Variants in ZZEF1 observed in about 807,000 individuals in gnomAD.
ZZEF1 encodes the protein zinc finger ZZ-type and EF-hand domain-containing protein 1.
ZZEF1 carries 157 observed loss-of-function variants against 342.8 expected under a neutral mutation model. That is an observed-to-expected ratio of 0.46 (90% CI 0.40 to 0.52). The LOEUF is 0.52. Among genes scored for constraint, ZZEF1 ranks in the 20% least tolerant of loss-of-function variants. The pLI, the probability that ZZEF1 is intolerant of heterozygous loss-of-function variation, is 0.00. For synonymous variants in ZZEF1, 1,505 were observed against 1,429.1 expected, an observed-to-expected ratio of 1.05 and a Z score of -1.20; for missense variants, 3,480 against 3,725.6, an observed-to-expected ratio of 0.93 and a Z score of 1.72.
intron 42 of ZZEF1, among the ~76,000 whole-genome samples, chr17:4,030,374 G>C (rs1320969416): frequency 2.6e-5 from 4 of 152,202 alleles, no homozygotes; most frequent in Non-Finnish European, 5.9e-5. Context: ...CAATATAGAA[G>C]TCCCTGACTT....
At chr17:4,110,004 T>C (rs143691015) in intron 5 of ZZEF1, 141 bp from the exon 6 acceptor site, 13 of 699,546 alleles carry the variant, frequency 1.9e-5, no homozygotes, top group Admixed American at 5.6e-5. Flanking sequence ...ATAAATAGCA[T>C]GTGCAATGGA....
chr17:4,132,201 CTT>C (rs34252779), intron 1 of ZZEF1, among the ~76,000 whole-genome samples: 394 of 134,962 alleles, frequency 2.9e-3, no homozygotes, highest in Middle Eastern at 3.9e-3. Context: ...TAAATTTTCT[CTT>C]TTTTTTTTTT....
In ZZEF1 at chr17:4,006,746, G is replaced by A. The variant is rs962481119; in HGVS notation, c.*144C>T. The A allele has an allele frequency of 7.3e-6, 6 of 823,248 alleles. No individual in the cohort carries two copies. Among genetic ancestry groups the A allele is most frequent in the African/African-American group, 1.7e-5 (1 of 59,182 alleles). The allele number at this position is 823,248 out of a possible 1,614,324, so 51.0% of individuals were successfully genotyped here. ...CCTACGCACGGGAGCTCTTGGAGACGTGGCTGCTTGGCATCCTAACTGGAG... is the reference window on the plus strand; with the variant it reads ...CCTACGCACGGGAGCTCTTGGAGACATGGCTGCTTGGCATCCTAACTGGAG... On this transcript the variant is annotated 3_prime_UTR_variant, in exon 55 of 55. Coordinates refer to ENST00000381638, the MANE Select transcript of ZZEF1 (RefSeq NM_015113.4).
chr17:4,019,611 C>T, intron 46 of ZZEF1, 58 bp downstream of exon 46: 1 of 1,500,994 alleles, frequency 6.7e-7, no homozygotes, highest in Non-Finnish European at 9.2e-7. Context: ...CGCACACCCT[C>T]CCGCCCTCAC....
chr17:4,069,327 A>T (rs900107200), intron 26 of ZZEF1, among the ~76,000 whole-genome samples: 3 of 152,128 alleles, frequency 2.0e-5, no homozygotes, highest in Non-Finnish European at 4.4e-5. Context: ...CACCCCCTCG[A>T]TTCCTCAGCA....
At chr17:4,051,901 AAG>A (rs1165176377) in intron 35 of ZZEF1, 68 bp downstream of exon 35, 2 of 1,506,850 alleles carry the variant, frequency 1.3e-6, no homozygotes, top group African/African-American at 1.4e-5. Context: ...TAAAAAAAGA[AAG>A]AAGTCCCTTT....
In ZZEF1 at chr17:4,104,758, C is replaced by T. The variant is rs1398556254; in HGVS notation, c.1448G>A (p.Arg483Lys). Reference protein sequence around the residue: ...ELTLLAFALARGSVAKVMSSL... With the variant: ...ELTLLAFALAKGSVAKVMSSL... ...GCTCATGACTTTGGCAACACTTCCTCTTGCGAGAGCAAAAGCCAGAAGAGT... is the reference window on the plus strand; with the variant it reads ...GCTCATGACTTTGGCAACACTTCCTTTTGCGAGAGCAAAAGCCAGAAGAGT... The change falls in exon 8 of 55, where the codon AGA (arginine) becomes AAA (lysine). Residue 483 changes from arginine (R) to lysine (K), a missense_variant. Coordinates refer to ENST00000381638, the MANE Select transcript of ZZEF1 (RefSeq NM_015113.4). The T allele has an allele frequency of 6.2e-7, 1 of 1,614,172 alleles. No individual in the cohort carries two copies. The highest frequency in any genetic ancestry group is 1.1e-5 in the South Asian group (1 of 91,078).
chr17:4,123,487 G>T (rs558878886), intron 2 of ZZEF1, among the ~76,000 whole-genome samples: 4 of 151,958 alleles, frequency 2.6e-5, no homozygotes, highest in South Asian at 2.1e-4. Flanking sequence ...GGACAGAGCA[G>T]AAATAAGACA....
At chr17:4,082,544 T>A (rs1228350858) in intron 16 of ZZEF1, 40 bp from the exon 17 acceptor site, 1 of 1,586,340 alleles carries the variant, frequency 6.3e-7, no homozygotes, top group Admixed American at 1.7e-5. Context: ...GAAAATCTAG[T>A]CCATGACATT....
At position 4,013,488 on chromosome 17, in the gene ZZEF1, A is replaced by G. The variant is rs2144937964; in HGVS notation, c.8540T>C (p.Ile2847Thr). The G allele has an allele frequency of 1.2e-6, 2 of 1,613,418 alleles. No homozygotes were observed. Among genetic ancestry groups the G allele is most frequent in the East Asian group, 4.5e-5 (2 of 44,848 alleles). The part of the protein sequence containing the change: ...RQTGHQRLKA[I>T]HLLLRIVRCC... ...TCGCACAATCCTCAGAAGTAAGTGG[A>G]TGGCTTTTAATCGTTGATGGCCAGT... is the stretch of plus-strand genomic sequence containing the variant. The change falls in exon 52 of 55, where the codon ATC becomes ACC. Residue 2847 changes from isoleucine to threonine, a missense_variant. Ile to Thr is a moderately conservative substitution (Grantham distance 89). Around this residue, in one of 5 missense-constraint regions of ZZEF1, gnomAD observed 1,269 missense variants for 1,342.4 expected, o/e 0.95. Transcript: ENST00000381638.
chr17:4,052,013 T>C lies in ZZEF1; in HGVS notation c.5558A>G (p.Asp1853Gly), dbSNP rs2057058756. Residue 1853 changes from aspartate to glycine, a missense_variant, in exon 35 of 55, where the codon GAT becomes GGT. This residue lies in a region of ZZEF1 where 175 missense variants were observed against 254.6 expected (regional missense o/e 0.69). Coordinates refer to ENST00000381638, the MANE Select transcript of ZZEF1 (RefSeq NM_015113.4). Reference protein sequence around the residue: ...RMNCNVCDDFDLCYGCYAAKK... With the variant: ...RMNCNVCDDFGLCYGCYAAKK... ...CGCTGCATAGCATCCGTAGCAAAGATCAAAGTCATCGCAAACATTGCAGTT... is the reference window on the plus strand; with the variant it reads ...CGCTGCATAGCATCCGTAGCAAAGACCAAAGTCATCGCAAACATTGCAGTT... 1 of 1,613,996 alleles carries C rather than the reference T, an allele frequency of 6.2e-7. No individual in the cohort carries two copies. Among genetic ancestry groups the C allele is most frequent in the Non-Finnish European group, 8.5e-7 (1 of 1,180,004 alleles).
intron 25 of ZZEF1, 87 bp downstream of exon 25, chr17:4,072,521 T>G: frequency 6.9e-7 from 1 of 1,439,550 alleles, no homozygotes; most frequent in Non-Finnish European, 9.2e-7. Flanking sequence ...GGTAGTAAGA[T>G]AGAAACACAA....
intron 42 of ZZEF1, among the ~76,000 whole-genome samples, chr17:4,027,156 G>A (rs2056426193): frequency 6.6e-6 from 1 of 151,830 alleles, no homozygotes; most frequent in Non-Finnish European, 1.5e-5. Flanking sequence ...TTAGGGGGTG[G>A]TAGAAGACAG....
At chr17:4,108,121 C>T (rs866368162) in intron 6 of ZZEF1, among the ~76,000 whole-genome samples, 6 of 152,124 alleles carry the variant, frequency 3.9e-5, no homozygotes, top group East Asian at 1.9e-4. Flanking sequence ...CCGCCTTCAA[C>T]GTATTTATTA....
chr17:4,010,789 T>C (rs1402233907), intron 52 of ZZEF1, among the ~76,000 whole-genome samples: 1 of 139,380 alleles, frequency 7.2e-6, no homozygotes, highest in Non-Finnish European at 1.6e-5. Flanking sequence ...CAAAATAAAA[T>C]TCAAAAATAA....
At chr17:4,118,243 A>G (rs568320952) in intron 2 of ZZEF1, among the ~76,000 whole-genome samples, 5 of 152,124 alleles carry the variant, frequency 3.3e-5, no homozygotes, top group Non-Finnish European at 7.3e-5. Flanking sequence ...TGCTGTGCAC[A>G]CCCAACTTTA....
At chr17:4,099,989 C>T (rs894147087) in intron 9 of ZZEF1, among the ~76,000 whole-genome samples, 4 of 152,162 alleles carry the variant, frequency 2.6e-5, no homozygotes, top group Non-Finnish European at 4.4e-5. Flanking sequence ...CTATCAGGAG[C>T]ACCCAGTATT....
Position 4,105,603 on chromosome 17 carries a change from TA to T in ZZEF1, c.1394+89del. The T allele has an allele frequency of 1.4e-5, 14 of 1,025,174 alleles. No homozygotes were observed. The South Asian group carries it at 2.0e-4, about 15-fold the overall frequency. The allele number at this position is 1,025,174 out of a possible 1,614,324, so 63.5% of individuals were successfully genotyped here. A position where few individuals can be genotyped will look rare whatever the true frequency, so the allele number is the denominator to read the frequency against. On this transcript the variant is annotated intron_variant, in intron 7 of 54. Transcript: ENST00000381638. ...AGCAACCATTTTTAGTGGTGATCGT[TA>T]AAAGATTAATATATATTTTTTAAAG...
chr17:4,021,009 G>C, intron 45 of ZZEF1, 120 bp downstream of exon 45: 1 of 1,066,332 alleles, frequency 9.4e-7, no homozygotes, highest in Non-Finnish European at 1.4e-6. Flanking sequence ...TCTTTAGGAA[G>C]TGAATTCTCA....
Sources: allele counts gnomAD v4.1 joint callset (sites outside exome capture counted in the v4.1 genomes callset), GRCh38; gene constraint gnomAD v4.1.1; regional missense constraint gnomAD v4.1.1; transcripts MANE v1.5; gene names NCBI Gene and HGNC (gene_info 2026-07-23, HGNC 2026-07-21).